Variants in ZNF618 observed in about 807,000 individuals in gnomAD.
The protein encoded by ZNF618 is zinc finger protein 618, also known as neural precursor cell expressed, developmentally down-regulated 10.
Under a neutral mutation model 103.0 loss-of-function variants are expected in ZNF618, and 34 were observed. That is an observed-to-expected ratio of 0.33 (90% confidence interval 0.25 to 0.44). ZNF618 has a LOEUF of 0.44. ZNF618 is among the 20% of genes least tolerant of loss of function. The pLI is 1.00. For missense variants in ZNF618, 1,059 were observed against 1,295.4 expected, an observed-to-expected ratio of 0.82 and a Z score of 2.80; for synonymous variants, 551 against 542.2, an observed-to-expected ratio of 1.02 and a Z score of -0.23.
intron 6 of ZNF618, among the ~76,000 whole-genome samples, chr9:114,004,081 C>T (rs1449231173): frequency 6.6e-6 from 1 of 152,240 alleles, no homozygotes; most frequent in South Asian, 2.1e-4. Context: ...TTACCACCCC[C>T]TGCCCAACAA....
intron 1 of ZNF618, among the ~76,000 whole-genome samples, chr9:113,937,501 A>C (rs1291848258): frequency 1.3e-5 from 2 of 152,358 alleles, no homozygotes; most frequent in Middle Eastern, 6.8e-3. Flanking sequence ...AAAACCCTGG[A>C]TTCTGAGTGA....
chr9:113,973,570 C>T (rs1838205489), intron 2 of ZNF618, among the ~76,000 whole-genome samples: 1 of 152,076 alleles, frequency 6.6e-6, no homozygotes, highest in Admixed American at 6.5e-5. Context: ...TTTACAAGAC[C>T]AGTGATCCCA....
chr9:114,048,115 C>A, intron 14 of ZNF618, 121 bp downstream of exon 14: 1 of 891,194 alleles, frequency 1.1e-6, no homozygotes, highest in Non-Finnish European at 1.7e-6. Flanking sequence ...ATGATAGTTT[C>A]CAAAGCACTT....
chr9:113,969,528 A>G (rs887225084), intron 2 of ZNF618, among the ~76,000 whole-genome samples: 20 of 152,134 alleles, frequency 1.3e-4, no homozygotes, highest in Admixed American at 1.2e-3. Context: ...CCATTGGCCT[A>G]TGTGCTAGTG....
chr9:113,945,399 T>C (rs569756286), intron 1 of ZNF618, among the ~76,000 whole-genome samples: 7 of 152,330 alleles, frequency 4.6e-5, no homozygotes, highest in Admixed American at 6.5e-5. Context: ...ATGATAGTTA[T>C]CTATTTATTG....
intron 1 of ZNF618, among the ~76,000 whole-genome samples, chr9:113,958,135 C>T (rs563678511): frequency 6.6e-6 from 1 of 152,198 alleles, no homozygotes; most frequent in African/African-American, 2.4e-5. Flanking sequence ...GGAGCGTGTC[C>T]ATGCTGAAAG....
Position 114,050,455 on chromosome 9 carries a change from CA to C in ZNF618, c.*289del. The C allele has an allele frequency of 3.2e-6, 1 of 308,180 alleles. No individual in the cohort carries two copies. Among genetic ancestry groups the C allele is most frequent in the Non-Finnish European group, 5.9e-6 (1 of 168,144 alleles). 19.1% of individuals were successfully genotyped at this position (308,180 alleles called of 1,614,324 possible). On this transcript the variant is annotated 3_prime_UTR_variant, in exon 15 of 15. Coordinates refer to ENST00000374126, the MANE Select transcript of ZNF618 (RefSeq NM_001318042.2). ...CTTTGCACACACGCACACACACACA[CA>C]CACACACACACACACACACGACCCT... is the stretch of plus-strand genomic sequence containing the variant.
chr9:113,885,954 C>G (rs981464440), intron 1 of ZNF618, among the ~76,000 whole-genome samples: 2 of 152,188 alleles, frequency 1.3e-5, no homozygotes, highest in African/African-American at 2.4e-5. Flanking sequence ...CTTGGCCCCC[C>G]AGTCTGCTAT....
At chr9:113,951,451 GTA>G (rs1243318022) in intron 1 of ZNF618, among the ~76,000 whole-genome samples, 1 of 10,630 alleles carries the variant, frequency 9.4e-5, no homozygotes, top group African/African-American at 3.0e-4. Context: ...ACATATATGT[GTA>G]TATATACATA....
At chr9:113,978,308 T>A (rs1838670800) in intron 2 of ZNF618, among the ~76,000 whole-genome samples, 1 of 152,246 alleles carries the variant, frequency 6.6e-6, no homozygotes, top group South Asian at 2.1e-4. Flanking sequence ...AGGCTAGTGA[T>A]GAAGCTATGA....
intron 13 of ZNF618, among the ~76,000 whole-genome samples, chr9:114,046,072 T>A (rs1845621391): frequency 6.6e-6 from 1 of 152,176 alleles, no homozygotes; most frequent in Non-Finnish European, 1.5e-5. Context: ...TGATCTTGTA[T>A]CCTGCACCCT....
chr9:113,994,171 A>T (rs906898291), intron 3 of ZNF618, among the ~76,000 whole-genome samples: 1 of 152,246 alleles, frequency 6.6e-6, no homozygotes, highest in South Asian at 2.1e-4. Context: ...AGGAGCTCCA[A>T]CCAGGAGGCA....
chr9:113,976,747 C>T (rs1838506409), intron 2 of ZNF618, among the ~76,000 whole-genome samples: 1 of 152,174 alleles, frequency 6.6e-6, no homozygotes, highest in African/African-American at 2.4e-5. Context: ...ATGAGTACTC[C>T]ACTGACAGCC....
intron 1 of ZNF618, among the ~76,000 whole-genome samples, chr9:113,907,402 C>T (rs1161755005): frequency 2.6e-5 from 4 of 152,120 alleles, no homozygotes. Context: ...GGCCCCTGCC[C>T]TGGTGAGTTT....
chr9:113,898,592 A>T (rs1830244655), intron 1 of ZNF618, among the ~76,000 whole-genome samples: 1 of 151,782 alleles, frequency 6.6e-6, no homozygotes, highest in African/African-American at 2.4e-5. Flanking sequence ...ATGCCCAGCT[A>T]ATTTTTAAAT....
rs192678881 is a variant in ZNF618, at chr9:114,005,952, G to C, written c.551-1398G>C. 2.3e-4 allele frequency among the ~76,000 whole-genome samples: 35 copies of C among 152,276 alleles called. 1 individual carries two copies. The highest frequency in any genetic ancestry group is 2.2e-3 in the Admixed American group (33 of 15,304). On this transcript the variant is annotated intron_variant, in intron 6 of 14. Transcript: ENST00000374126. ...TGCCACCTCTTTCTTGGATGATTCT[G>C]GTATCCAGCATCCTCAGAATGTCTC...
rs1846382815 is a variant in ZNF618, at chr9:114,055,057, A to G, written c.*4890A>G. Reference sequence around the variant, plus strand: ...TCACGACCCACGAGGGCCCTGCCCAACCGTGCGTCCCATGGGGCACCTTGA... The same window carrying G: ...TCACGACCCACGAGGGCCCTGCCCAGCCGTGCGTCCCATGGGGCACCTTGA... On this transcript the variant is annotated 3_prime_UTR_variant, in exon 15 of 15. Coordinates refer to ENST00000374126, the MANE Select transcript of ZNF618 (RefSeq NM_001318042.2). 6.6e-6 allele frequency: 1 copy of G among 152,050 alleles called. No individual in the cohort carries two copies. The highest frequency in any genetic ancestry group is 6.5e-5 in the Admixed American group (1 of 15,268). The allele number at this position is 152,050 out of a possible 1,614,324, so 9.4% of individuals were successfully genotyped here.
At chr9:113,991,817 C>G (rs917526899) in intron 3 of ZNF618, among the ~76,000 whole-genome samples, 1 of 152,192 alleles carries the variant, frequency 6.6e-6, no homozygotes, top group African/African-American at 2.4e-5. Flanking sequence ...ATCTTGTAAT[C>G]TGCTTTGGGC....
intron 2 of ZNF618, among the ~76,000 whole-genome samples, chr9:113,984,303 G>A (rs982435671): frequency 6.6e-6 from 1 of 152,210 alleles, no homozygotes; most frequent in Non-Finnish European, 1.5e-5. Flanking sequence ...AAGCAAGCCA[G>A]GAAGGCTTCC....
Sources: allele counts gnomAD v4.1 joint callset (sites outside exome capture counted in the v4.1 genomes callset), GRCh38; gene constraint gnomAD v4.1.1; transcripts MANE v1.5; gene names NCBI Gene and HGNC (gene_info 2026-07-23, HGNC 2026-07-21).